Variants in LGR6 observed in about 807,000 individuals in gnomAD.
LGR6 encodes the protein leucine rich repeat containing G protein-coupled receptor 6.
Under a neutral mutation model 69.4 loss-of-function variants are expected in LGR6, and 45 were observed. That is an observed-to-expected ratio of 0.65 (90% CI 0.51 to 0.83). The LOEUF (loss-of-function observed/expected upper bound fraction) is 0.83, where lower values mean the gene tolerates loss of function less well. LGR6 is among the 40% of genes least tolerant of loss of function. The pLI is 0.00. For missense variants in LGR6, 1,108 were observed against 1,246.7 expected, an observed-to-expected ratio of 0.89 and a Z score of 1.68; for synonymous variants, 538 against 555.0, an observed-to-expected ratio of 0.97 and a Z score of 0.43.
At chr1:202,296,395 C>T (rs1359669948) in intron 6 of LGR6, among the ~76,000 whole-genome samples, 4 of 152,160 alleles carry the variant, frequency 2.6e-5, no homozygotes, top group African/African-American at 4.8e-5. Flanking sequence ...CGATGATAGG[C>T]GATCTCATTA....
At chr1:202,204,322 T>C (rs1218594143) in intron 1 of LGR6, among the ~76,000 whole-genome samples, 3 of 36,062 alleles carry the variant, frequency 8.3e-5, no homozygotes, top group African/African-American at 1.1e-4. Flanking sequence ...AACACACACC[T>C]CCTCCTAACA....
intron 3 of LGR6, among the ~76,000 whole-genome samples, chr1:202,232,101 CAAAA>C (rs34791544): frequency 2.1e-5 from 3 of 143,476 alleles, no homozygotes; most frequent in African/African-American, 7.8e-5. Flanking sequence ...AACGCCGTCT[CAAAA>C]AAAAAAAAAA....
chr1:202,312,237 G>A (rs1035994481), intron 16 of LGR6, among the ~76,000 whole-genome samples: 3 of 152,234 alleles, frequency 2.0e-5, no homozygotes, highest in Non-Finnish European at 2.9e-5. Flanking sequence ...TTTCCTCCTC[G>A]TTTGAAGAGT....
chr1:202,280,504 G>A (rs973872195), intron 5 of LGR6, among the ~76,000 whole-genome samples: 8 of 152,122 alleles, frequency 5.3e-5, no homozygotes, highest in African/African-American at 1.9e-4. Flanking sequence ...GAGCTTAGGG[G>A]GAACTTGCTT....
chr1:202,221,933 T>G (rs919356546), intron 1 of LGR6, among the ~76,000 whole-genome samples: 1 of 105,818 alleles, frequency 9.5e-6, no homozygotes, highest in African/African-American at 3.1e-5. Context: ...GACAGTCATA[T>G]GTCAGTAGGA....
intron 4 of LGR6, among the ~76,000 whole-genome samples, chr1:202,256,933 T>C (rs1412169786): frequency 6.6e-6 from 1 of 152,250 alleles, no homozygotes; most frequent in Non-Finnish European, 1.5e-5. Flanking sequence ...TATCTCGTTG[T>C]GGTTCTGATT....
At chr1:202,270,030 T>G (rs893577998) in intron 4 of LGR6, among the ~76,000 whole-genome samples, 1 of 152,166 alleles carries the variant, frequency 6.6e-6, no homozygotes, top group East Asian at 1.9e-4. Flanking sequence ...ATAAGATGGA[T>G]TAGAGAAATA....
chr1:202,233,492 C>G (rs574168701), intron 3 of LGR6, among the ~76,000 whole-genome samples: 2 of 152,194 alleles, frequency 1.3e-5, no homozygotes, highest in Admixed American at 6.5e-5. Flanking sequence ...AGATGGGAAG[C>G]GAAGGCCCAC....
chr1:202,197,088 G>A (rs781100713), intron 1 of LGR6: 65 of 533,144 alleles, frequency 1.2e-4, no homozygotes, highest in South Asian at 1.3e-4. Context: ...TATAGGAGGC[G>A]CCCAGGAGCT....
At chr1:202,280,505 G>A (rs934916192) in intron 5 of LGR6, among the ~76,000 whole-genome samples, 4 of 152,140 alleles carry the variant, frequency 2.6e-5, no homozygotes, top group African/African-American at 7.2e-5. Context: ...AGCTTAGGGG[G>A]AACTTGCTTT....
At chr1:202,201,783 T>C (rs1032864646) in intron 1 of LGR6, among the ~76,000 whole-genome samples, 18 of 152,262 alleles carry the variant, frequency 1.2e-4, no homozygotes, top group Admixed American at 2.6e-4. Context: ...TGGGAGCCCA[T>C]CTATGGGGGC....
At chr1:202,310,140 A>G in intron 15 of LGR6, 57 bp from the exon 16 acceptor site, 1 of 1,577,400 alleles carries the variant, frequency 6.3e-7, no homozygotes, top group Non-Finnish European at 8.7e-7. Flanking sequence ...AATCAGACTT[A>G]GGTCTTAGAC....
At chr1:202,203,679 T>G in intron 1 of LGR6, 1 of 792,210 alleles carries the variant, frequency 1.3e-6, no homozygotes, top group Non-Finnish European at 2.1e-6. Flanking sequence ...TTGTAGGAAG[T>G]GAGAAATACA....
chr1:202,314,761 C>T lies in LGR6; in HGVS notation c.1568-41C>T, dbSNP rs755942949. ...GGAGAAAGGTAGGGCTTGACTGACA[C>T]CAAGACCCAGGACCCTGCATCACTT... is the stretch of plus-strand genomic sequence containing the variant. On this transcript the variant is annotated intron_variant, in intron 16 of 17. Transcript: ENST00000367278. 14 of 1,477,332 alleles carry T rather than the reference C, an allele frequency of 9.5e-6. No homozygotes were observed. In the Admixed American group the frequency reaches 2.3e-4, roughly 25 times the overall value. 91.5% of individuals were successfully genotyped at this position (1,477,332 alleles called of 1,614,324 possible).
chr1:202,299,711 C>T (rs183377619), intron 7 of LGR6, among the ~76,000 whole-genome samples: 2 of 152,092 alleles, frequency 1.3e-5, no homozygotes, highest in East Asian at 3.9e-4. Context: ...GGTGTCTGAG[C>T]GTGAAGCTGT....
At chr1:202,200,224 T>C (rs1658792838) in intron 1 of LGR6, among the ~76,000 whole-genome samples, 1 of 152,236 alleles carries the variant, frequency 6.6e-6, no homozygotes, top group African/African-American at 2.4e-5. Context: ...TGCCGCCTGG[T>C]GGGAGACTCT....
At chr1:202,217,152 C>T (rs1659842390) in intron 1 of LGR6, among the ~76,000 whole-genome samples, 1 of 152,222 alleles carries the variant, frequency 6.6e-6, no homozygotes, top group African/African-American at 2.4e-5. Flanking sequence ...TCCATCTCCT[C>T]ACTCTGCCCA....
intron 3 of LGR6, among the ~76,000 whole-genome samples, chr1:202,231,416 T>C (rs1571852993): frequency 1.3e-5 from 2 of 152,154 alleles, no homozygotes; most frequent in African/African-American, 4.8e-5. Context: ...GAGTCACCCC[T>C]GTACATGAGG....
chr1:202,205,653 C>G (rs1207257771), intron 1 of LGR6, among the ~76,000 whole-genome samples: 2 of 148,014 alleles, frequency 1.4e-5, no homozygotes, highest in African/African-American at 2.5e-5. Context: ...CACACACACA[C>G]ACGCACACCT....
Sources: gnomAD v4.1 joint callset for allele counts (sites outside exome capture counted in the v4.1 genomes callset) on GRCh38, gnomAD v4.1.1 for gene constraint, MANE v1.5 for transcripts, NCBI Gene and HGNC (gene_info 2026-07-23, HGNC 2026-07-21) for gene names.